Variants in ABCC4 observed in about 807,000 individuals in gnomAD.
ABCC4 encodes the protein ATP binding cassette subfamily C member 4 (PEL blood group).
Under a neutral mutation model 168.5 loss-of-function variants are expected in ABCC4, and 102 were observed. That is an observed-to-expected ratio of 0.61 (90% confidence interval 0.52 to 0.71). The LOEUF (loss-of-function observed/expected upper bound fraction) is 0.71, where lower values mean the gene tolerates loss of function less well. Ranked by LOEUF, ABCC4 falls within the 30% of genes least tolerant of loss-of-function variation. ABCC4 has a pLI of 0.00. For missense variants in ABCC4, 1,402 were observed against 1,605.8 expected (o/e 0.87, Z 2.17); for synonymous variants, 617 against 590.7 (o/e 1.04, Z -0.65).
chr13:95,040,479 G>A (rs932790702), intron 29 of ABCC4, among the ~76,000 whole-genome samples: 1 of 152,036 alleles, frequency 6.6e-6, no homozygotes, highest in African/African-American at 2.4e-5. Flanking sequence ...CAGGTGATCT[G>A]CCCTTCTCGG....
intron 19 of ABCC4, among the ~76,000 whole-genome samples, chr13:95,155,079 T>C (rs2036812468): frequency 6.6e-6 from 1 of 152,210 alleles, no homozygotes. Flanking sequence ...TAGCAACTTG[T>C]AGTGGATTCC....
In ABCC4 at chr13:95,161,337, T is replaced by C; in HGVS notation, c.2309-2A>G. 6.4e-7 allele frequency: 1 copy of C among 1,570,446 alleles called. No homozygotes were observed. On this transcript the variant is annotated splice_acceptor_variant, in intron 18 of 30. Coordinates refer to ENST00000645237, the MANE Select transcript of ABCC4 (RefSeq NM_005845.5). LOFTEE classifies it high-confidence loss of function. The stretch of plus-strand genomic sequence containing the variant: ...AAAGAACGGTAGCTACAGTTAAACC[T>C]GAAATAAAGAAATATCACTTAGAGA...
intron 25 of ABCC4, among the ~76,000 whole-genome samples, chr13:95,070,737 G>C (rs1438844577): frequency 2.0e-5 from 3 of 152,120 alleles, no homozygotes; most frequent in Admixed American, 1.3e-4. Context: ...GTGGGCCTGG[G>C]GCTCATTAAG....
intron 3 of ABCC4, 67 bp downstream of exon 3, chr13:95,246,908 A>G: frequency 6.4e-7 from 1 of 1,550,696 alleles, no homozygotes; most frequent in Non-Finnish European, 8.8e-7. Flanking sequence ...TTACAGCACC[A>G]GTCAATGGCG....
chr13:95,111,452 T>C (rs767219935), intron 20 of ABCC4, among the ~76,000 whole-genome samples: 9 of 152,224 alleles, frequency 5.9e-5, no homozygotes, highest in Non-Finnish European at 7.3e-5. Context: ...TTATGATATA[T>C]TCAAAAACTT....
At chr13:95,268,984 A>AG (rs1350885641) in intron 1 of ABCC4, among the ~76,000 whole-genome samples, 1 of 152,082 alleles carries the variant, frequency 6.6e-6, no homozygotes, top group African/African-American at 2.4e-5. Context: ...ACAGGTGTGG[A>AG]GGGGAAGGCC....
At position 95,126,207 on chromosome 13, in the gene ABCC4, C is replaced by T. The variant is rs190963970; in HGVS notation, c.2456-10206G>A. Among the ~76,000 whole-genome samples, 425 of 152,070 alleles carry T rather than the reference C, an allele frequency of 2.8e-3. 4 individuals carry two copies. Among genetic ancestry groups the T allele is most frequent in the African/African-American group, 9.9e-3 (410 of 41,406 alleles). The stretch of plus-strand genomic sequence containing the variant: ...TCCAGTATCCTGTCACTGTCGTTTG[C>T]GGCTAAATGCTCATGGAATATCTCC... On this transcript the variant is annotated intron_variant, in intron 19 of 30. Coordinates refer to ENST00000645237, the MANE Select transcript of ABCC4 (RefSeq NM_005845.5).
Position 95,206,604 on chromosome 13 carries a change from C to A in ABCC4, c.1089G>T (p.Leu363=), listed in dbSNP as rs1469453687. The A allele has an allele frequency of 6.2e-7, 1 of 1,614,040 alleles. No individual in the cohort carries two copies. Residue 363 remains leucine (L), a synonymous_variant, in exon 8 of 31, where the codon CTG becomes CTT. Coordinates refer to ENST00000645237, the MANE Select transcript of ABCC4 (RefSeq NM_005845.5). Reference sequence around the variant, plus strand: ...CTGAGGGGAAGAAGAGGGTAACCGTCAGCCGCACAGCCCCATACAGCGTCA... The same window carrying A: ...CTGAGGGGAAGAAGAGGGTAACCGTAAGCCGCACAGCCCCATACAGCGTCA... ...VAVTLYGAVR[L]TVTLFFPSAI...
At chr13:95,169,896 G>A (rs2139570844) in intron 14 of ABCC4, among the ~76,000 whole-genome samples, 1 of 152,246 alleles carries the variant, frequency 6.6e-6, no homozygotes, top group South Asian at 2.1e-4. Flanking sequence ...TCACTCTGTA[G>A]CCCAGGCTGG....
chr13:95,165,715 C>G (rs2037248550), intron 15 of ABCC4, among the ~76,000 whole-genome samples: 1 of 152,210 alleles, frequency 6.6e-6, no homozygotes, highest in Non-Finnish European at 1.5e-5. Flanking sequence ...CATCAGCCAC[C>G]TGCAGCATCA....
At chr13:95,221,135 C>T (rs1420000504) in intron 4 of ABCC4, among the ~76,000 whole-genome samples, 1 of 152,192 alleles carries the variant, frequency 6.6e-6, no homozygotes, top group Non-Finnish European at 1.5e-5. Flanking sequence ...GAGGTCCCTT[C>T]AGTAATCAGA....
chr13:95,136,580 G>A (rs929174070), intron 19 of ABCC4, among the ~76,000 whole-genome samples: 2 of 152,202 alleles, frequency 1.3e-5, no homozygotes, highest in Non-Finnish European at 2.9e-5. Context: ...TACTCTTAAA[G>A]TTACGGATGA....
intron 9 of ABCC4, 34 bp from the exon 10 acceptor site, chr13:95,188,576 CA>C: frequency 6.5e-7 from 1 of 1,530,578 alleles, no homozygotes; most frequent in Non-Finnish European, 9.0e-7. Context: ...GTGCCCATTT[CA>C]ATAAAGTCAC....
intron 19 of ABCC4, among the ~76,000 whole-genome samples, chr13:95,124,401 T>C (rs1348197302): frequency 2.6e-5 from 4 of 151,808 alleles, no homozygotes; most frequent in Non-Finnish European, 5.9e-5. Flanking sequence ...GGAGATGTCA[T>C]CCCACTGCTG....
At position 95,210,698 on chromosome 13, in the gene ABCC4, AAACTTGTTCAC is replaced by A; in HGVS notation, c.604_614del (p.Val202Ter). The A allele has an allele frequency of 2.5e-6, 4 of 1,614,056 alleles. No homozygotes were observed. The highest frequency in any genetic ancestry group is 3.4e-6 in the Non-Finnish European group (4 of 1,179,882). ...TCCCTGAGCTGCAGCTTACCTGATC[AAACTTGTTCAC>A]ATCATTGGACAGCAGATTGACTATC... On this transcript the variant is annotated frameshift_variant, in exon 5 of 31. Coordinates refer to ENST00000645237, the MANE Select transcript of ABCC4 (RefSeq NM_005845.5). LOFTEE classifies it high-confidence loss of function.
intron 21 of ABCC4, 55 bp from the exon 22 acceptor site, chr13:95,075,606 C>A (rs141970501): frequency 6.2e-7 from 1 of 1,607,992 alleles, no homozygotes; most frequent in Non-Finnish European, 8.5e-7. Context: ...GAAAAACCTG[C>A]GGCCTCCCAA....
intron 21 of ABCC4, among the ~76,000 whole-genome samples, chr13:95,081,698 T>C (rs909856023): frequency 2.6e-5 from 4 of 152,202 alleles, no homozygotes; most frequent in African/African-American, 4.8e-5. Flanking sequence ...TTAGGATAAA[T>C]GCCTCTTAGA....
chr13:95,036,770 T>A, intron 29 of ABCC4, among the ~76,000 whole-genome samples: 1 of 152,222 alleles, frequency 6.6e-6, no homozygotes, highest in Admixed American at 6.5e-5. Context: ...ACCTCTTTAA[T>A]ATTTTTTTGA....
chr13:95,037,084 CAAAA>C (rs57294033), intron 29 of ABCC4, among the ~76,000 whole-genome samples: 2 of 105,898 alleles, frequency 1.9e-5, no homozygotes. Context: ...ACTCTGTGTC[CAAAA>C]AAAAAAAAAA....
Sources: gnomAD v4.1 joint callset for allele counts (sites outside exome capture counted in the v4.1 genomes callset) on GRCh38, gnomAD v4.1.1 for gene constraint, MANE v1.5 for transcripts, NCBI Gene and HGNC (gene_info 2026-07-23, HGNC 2026-07-21) for gene names.